The following ST6GAL2 variants were observed in gnomAD, a reference collection of about 807,000 sequenced individuals.
ST6GAL2 encodes the protein ST6 beta-galactoside alpha-2,6-sialyltransferase 2, also known as beta-galactoside alpha-2,6-sialyltransferase 2.
ST6GAL2 carries 24 observed loss-of-function variants against 37.5 expected under a neutral mutation model. The observed-to-expected ratio is 0.64, with a 90% CI of 0.46 to 0.90. The LOEUF (loss-of-function observed/expected upper bound fraction) is 0.90. Among genes scored for constraint, ST6GAL2 ranks in the 40% least tolerant of loss-of-function variants. The pLI is 0.00. For synonymous variants in ST6GAL2, 306 were observed against 295.1 expected, an observed-to-expected ratio of 1.04 and a Z score of -0.38; for missense variants, 715 against 712.7, an observed-to-expected ratio of 1.00 and a Z score of -0.04.
chr2:106,807,766 A>T (rs1474911257), intron 5 of ST6GAL2, among the ~76,000 whole-genome samples: 1 of 151,626 alleles, frequency 6.6e-6, no homozygotes, highest in East Asian at 2.0e-4. Context: ...CCGGGACTAC[A>T]GGCGCCCACC....
At position 106,841,403 on chromosome 2, in the gene ST6GAL2, G is replaced by A. The variant is rs146694685; in HGVS notation, c.943+1632C>T. ...TATGCCCTAACAACGCCTACTGTGA[G>A]AGTGTACAGGACATGATTGTTTTAT... On this transcript the variant is annotated intron_variant, in intron 2 of 5. Coordinates refer to ENST00000409382, the MANE Select transcript of ST6GAL2 (RefSeq NM_001142351.2). Among the ~76,000 whole-genome samples, 248 of 152,350 alleles carry A rather than the reference G, an allele frequency of 1.6e-3. 1 individual carries two copies. Among genetic ancestry groups the A allele is most frequent in the Middle Eastern group, 0.01 (3 of 294 alleles).
chr2:106,812,454 T>C (rs1182596648), intron 5 of ST6GAL2, among the ~76,000 whole-genome samples: 1 of 152,242 alleles, frequency 6.6e-6, no homozygotes, highest in Admixed American at 6.5e-5. Flanking sequence ...CTGCCTGGCA[T>C]GTACTAAAAT....
intron 1 of ST6GAL2, among the ~76,000 whole-genome samples, chr2:106,850,931 T>C (rs1677334339): frequency 6.6e-6 from 1 of 152,172 alleles, no homozygotes; most frequent in Non-Finnish European, 1.5e-5. Context: ...AGGCAAATCA[T>C]CTGTCCCCAG....
chr2:106,811,601 T>C (rs1265176445), intron 5 of ST6GAL2, among the ~76,000 whole-genome samples: 1 of 152,168 alleles, frequency 6.6e-6, no homozygotes, highest in Non-Finnish European at 1.5e-5. Flanking sequence ...ATGACCATTC[T>C]TAGGATGGCT....
intron 1 of ST6GAL2, among the ~76,000 whole-genome samples, chr2:106,864,280 T>C (rs892381346): frequency 2.0e-5 from 3 of 152,134 alleles, no homozygotes; most frequent in African/African-American, 7.2e-5. Flanking sequence ...TATGCAAGGG[T>C]TGTTTTCTTA....
chr2:106,852,598 T>C (rs533540115), intron 1 of ST6GAL2, among the ~76,000 whole-genome samples: 1 of 152,126 alleles, frequency 6.6e-6, no homozygotes, highest in Non-Finnish European at 1.5e-5. Flanking sequence ...CTGCAATCAA[T>C]GAATGTCTGA....
chr2:106,829,728 CT>C (rs1411629044), intron 5 of ST6GAL2, among the ~76,000 whole-genome samples: 1 of 151,998 alleles, frequency 6.6e-6, no homozygotes, highest in Non-Finnish European at 1.5e-5. Flanking sequence ...CCAAAGCCAC[CT>C]GTTAATGGCT....
chr2:106,870,059 G>A (rs972143048), intron 1 of ST6GAL2, among the ~76,000 whole-genome samples: 1 of 152,208 alleles, frequency 6.6e-6, no homozygotes, highest in Non-Finnish European at 1.5e-5. Context: ...GCCAGTGAGA[G>A]GAGGGTGGGA....
chr2:106,809,478 A>C lies in ST6GAL2; in HGVS notation c.1319-2529T>G, dbSNP rs558911893. Among the ~76,000 whole-genome samples the C allele has an allele frequency of 7.4e-4, 113 of 152,280 alleles. 1 individual carries two copies. Among genetic ancestry groups the C allele is most frequent in the African/African-American group, 2.6e-3 (106 of 41,560 alleles). ...GTTGTGTTGGAGTTGTGACCTTTGC[A>C]ACTCTGGTTCTTAAACTGGATGGTT... On this transcript the variant is annotated intron_variant, in intron 5 of 5. Coordinates refer to ENST00000409382, the MANE Select transcript of ST6GAL2 (RefSeq NM_001142351.2).
rs1039741565 is a variant in ST6GAL2 at position 106,804,797 on chromosome 2, G to A, written c.*1881C>T. 5 of 128,744 alleles carry A rather than the reference G, an allele frequency of 3.9e-5. No homozygotes were observed. The highest frequency in any genetic ancestry group is 1.2e-4 in the African/African-American group (4 of 33,776). The allele number at this position is 128,744 out of a possible 1,614,324, so 8.0% of individuals were successfully genotyped here. On this transcript the variant is annotated 3_prime_UTR_variant, in exon 6 of 6. Coordinates refer to ENST00000409382, the MANE Select transcript of ST6GAL2 (RefSeq NM_001142351.2). ...GCAGAGCTGGCAGTGAACCAAGATC[G>A]CACCACTGCACTCTAGCCTGGGCGA...
chr2:106,828,661 T>C (rs2104461174), intron 5 of ST6GAL2, among the ~76,000 whole-genome samples: 1 of 152,294 alleles, frequency 6.6e-6, no homozygotes, highest in East Asian at 1.9e-4. Context: ...CACAAATCTT[T>C]CCTTTATTCA....
chr2:106,830,515 G>A (rs572463947), intron 4 of ST6GAL2, among the ~76,000 whole-genome samples: 6 of 152,200 alleles, frequency 3.9e-5, no homozygotes, highest in East Asian at 3.9e-4. Flanking sequence ...CTTCCACAAA[G>A]GGCCAGATAA....
At chr2:106,869,182 G>A (rs1442551171) in intron 1 of ST6GAL2, among the ~76,000 whole-genome samples, 2 of 152,146 alleles carry the variant, frequency 1.3e-5, no homozygotes, top group Non-Finnish European at 2.9e-5. Flanking sequence ...GATACTCCAG[G>A]AGAGGAAGGC....
chr2:106,859,993 CCT>C (rs1178888231), intron 1 of ST6GAL2, among the ~76,000 whole-genome samples: 1 of 152,090 alleles, frequency 6.6e-6, no homozygotes, highest in Non-Finnish European at 1.5e-5. Flanking sequence ...CCTTGCTGCC[CCT>C]GAGTCAGCTC....
chr2:106,827,794 T>C (rs1283598667), intron 5 of ST6GAL2, among the ~76,000 whole-genome samples: 2 of 152,188 alleles, frequency 1.3e-5, no homozygotes, highest in Non-Finnish European at 1.5e-5. Flanking sequence ...TTTGACATAA[T>C]TGAAACATAA....
chr2:106,849,312 G>C (rs1677265013), intron 1 of ST6GAL2, among the ~76,000 whole-genome samples: 1 of 151,962 alleles, frequency 6.6e-6, no homozygotes, highest in South Asian at 2.1e-4. Flanking sequence ...GACTGGAAGG[G>C]AGGTCAGACA....
At chr2:106,852,821 G>A (rs1436404871) in intron 1 of ST6GAL2, among the ~76,000 whole-genome samples, 1 of 152,166 alleles carries the variant, frequency 6.6e-6, no homozygotes, top group Admixed American at 6.5e-5. Context: ...GGGCTGGTGG[G>A]TGCACGAGCA....
intron 5 of ST6GAL2, among the ~76,000 whole-genome samples, chr2:106,810,675 T>C (rs1056617801): frequency 2.0e-5 from 3 of 148,296 alleles, no homozygotes; most frequent in Non-Finnish European, 4.4e-5. Context: ...GAGTAGGGCG[T>C]GCAGTGGCTC....
chr2:106,854,545 C>T (rs1677495978), intron 1 of ST6GAL2, among the ~76,000 whole-genome samples: 1 of 152,120 alleles, frequency 6.6e-6, no homozygotes, highest in Non-Finnish European at 1.5e-5. Context: ...ATATCTATTA[C>T]ATACAGTAAT....
Sources: gnomAD v4.1 joint callset for allele counts (sites outside exome capture counted in the v4.1 genomes callset) on GRCh38, gnomAD v4.1.1 for gene constraint, MANE v1.5 for transcripts, NCBI Gene and HGNC (gene_info 2026-07-23, HGNC 2026-07-21) for gene names.